The following TMTC2 variants were observed in gnomAD, a reference collection of about 807,000 sequenced individuals.
TMTC2 encodes the protein protein O-mannosyl-transferase TMTC2.
Under a neutral mutation model 82.4 loss-of-function variants are expected in TMTC2, and 43 were observed. The ratio of observed to expected loss-of-function variants is 0.52; its 90% confidence interval spans 0.41 to 0.67. The LOEUF is 0.67. TMTC2 is among the 30% of genes least tolerant of loss of function. The pLI, the probability that TMTC2 is intolerant of heterozygous loss-of-function variation, is 0.00. For synonymous variants in TMTC2, 408 were observed against 381.9 expected (o/e 1.07, Z -0.80); for missense variants, 919 against 1,012.4 (o/e 0.91, Z 1.25).
intron 1 of TMTC2, among the ~76,000 whole-genome samples, chr12:82,782,061 A>G (rs1877937877): frequency 6.6e-6 from 1 of 152,132 alleles, no homozygotes; most frequent in Admixed American, 6.5e-5. Flanking sequence ...TTATTTAGAA[A>G]TATGTAACAG....
At chr12:82,847,809 T>TG (rs1198713341) in intron 1 of TMTC2, among the ~76,000 whole-genome samples, 1 of 150,400 alleles carries the variant, frequency 6.6e-6, no homozygotes, top group East Asian at 2.0e-4. Context: ...GTGTGGGACT[T>TG]GGGGGAGGGA....
chr12:82,809,635 T>A (rs750671711), intron 1 of TMTC2, among the ~76,000 whole-genome samples: 2 of 152,134 alleles, frequency 1.3e-5, no homozygotes, highest in Non-Finnish European at 2.9e-5. Context: ...ATTCACAATT[T>A]TTTCGTACTA....
chr12:82,728,924 G>A (rs1053812399), intron 1 of TMTC2, among the ~76,000 whole-genome samples: 2 of 152,230 alleles, frequency 1.3e-5, no homozygotes, highest in African/African-American at 2.4e-5. Context: ...CAGCAGCTGC[G>A]CTGGACTTCT....
chr12:82,723,079 C>T (rs1175050887), intron 1 of TMTC2, among the ~76,000 whole-genome samples: 1 of 152,188 alleles, frequency 6.6e-6, no homozygotes, highest in Non-Finnish European at 1.5e-5. Flanking sequence ...AGTAGGCACT[C>T]ATTAGTTACA....
chr12:82,790,158 G>A (rs1394804261), intron 1 of TMTC2, among the ~76,000 whole-genome samples: 2 of 149,936 alleles, frequency 1.3e-5, no homozygotes, highest in Admixed American at 6.7e-5. Context: ...CTCTAGCTTG[G>A]GTGAGACCTT....
At chr12:82,926,022 G>A (rs1016046549) in intron 3 of TMTC2, among the ~76,000 whole-genome samples, 1 of 146,588 alleles carries the variant, frequency 6.8e-6, no homozygotes, top group South Asian at 2.2e-4. Context: ...TCACTCTGTC[G>A]CCAGGCTAGA....
At chr12:83,109,459 C>T (rs1884526563) in intron 11 of TMTC2, among the ~76,000 whole-genome samples, 1 of 151,900 alleles carries the variant, frequency 6.6e-6, no homozygotes, top group South Asian at 2.1e-4. Context: ...CAACCAGTCA[C>T]TCCCCAATTC....
rs369837409 is a variant in TMTC2 at position 82,717,603 on chromosome 12, C to T, written c.83+29934C>T. ...GGCACTTAACTTGAACAAATAAAAA[C>T]CAGCTCTTTAAAATATTCTAAACAT... On this transcript the variant is annotated intron_variant, in intron 1 of 11. Coordinates refer to ENST00000321196, the MANE Select transcript of TMTC2 (RefSeq NM_152588.3). Among the ~76,000 whole-genome samples, 123 of 152,208 alleles carry T rather than the reference C, an allele frequency of 8.1e-4. 2 individuals carry two copies. In the South Asian group the frequency reaches 0.017, roughly 21 times the overall value.
intron 1 of TMTC2, among the ~76,000 whole-genome samples, chr12:82,769,726 T>C (rs1220166453): frequency 6.6e-6 from 1 of 152,076 alleles, no homozygotes; most frequent in Non-Finnish European, 1.5e-5. Flanking sequence ...TTCTCCTACC[T>C]CAGCCTCCTG....
intron 1 of TMTC2, among the ~76,000 whole-genome samples, chr12:82,710,633 C>T (rs7962038): frequency 0.057 from 8,614 of 152,244 alleles, 336 homozygotes; most frequent in Admixed American, 0.094. Context: ...TATTTTAAGT[C>T]TCCAGGGAGT....
chr12:83,078,553 G>A (rs897055752), intron 11 of TMTC2, among the ~76,000 whole-genome samples: 1 of 152,086 alleles, frequency 6.6e-6, no homozygotes, highest in African/African-American at 2.4e-5. Context: ...TATTTTCTTA[G>A]ATACCAAATG....
intron 1 of TMTC2, among the ~76,000 whole-genome samples, chr12:82,770,524 C>T: frequency 6.6e-6 from 1 of 152,154 alleles, no homozygotes. Flanking sequence ...GACTCAACCA[C>T]TGACCTTACC....
chr12:82,764,557 G>A (rs1876838421), intron 1 of TMTC2, among the ~76,000 whole-genome samples: 1 of 152,146 alleles, frequency 6.6e-6, no homozygotes, highest in South Asian at 2.1e-4. Context: ...TTTTACAGGA[G>A]CATAAATGCT....
chr12:82,882,302 A>C (rs1011066529), intron 2 of TMTC2, among the ~76,000 whole-genome samples: 1 of 152,130 alleles, frequency 6.6e-6, no homozygotes, highest in African/African-American at 2.4e-5. Context: ...CCCGGCCAAG[A>C]TGTTTTTAAA....
chr12:82,722,599 G>A (rs1320915154), intron 1 of TMTC2, among the ~76,000 whole-genome samples: 4 of 144,690 alleles, frequency 2.8e-5, no homozygotes, highest in African/African-American at 5.1e-5. Flanking sequence ...AAAATTAGCC[G>A]GGCATGGTGG....
intron 8 of TMTC2, among the ~76,000 whole-genome samples, chr12:83,013,773 A>G (rs533729955): frequency 7.2e-4 from 109 of 152,346 alleles, no homozygotes; most frequent in African/African-American, 2.4e-3. Context: ...CAACTTCCTT[A>G]TAATTTTGAG....
At chr12:82,917,701 A>C (rs528429120) in intron 3 of TMTC2, among the ~76,000 whole-genome samples, 1 of 151,750 alleles carries the variant, frequency 6.6e-6, no homozygotes, top group African/African-American at 2.4e-5. Flanking sequence ...TCCAGGGTTC[A>C]TGCCATTCTC....
At chr12:82,964,978 T>C (rs892825271) in intron 4 of TMTC2, 46 bp from the exon 5 acceptor site, 1 of 1,400,624 alleles carries the variant, frequency 7.1e-7, no homozygotes, top group East Asian at 2.3e-5. Context: ...TGGTTTTATA[T>C]ATAATAATAC....
intron 1 of TMTC2, among the ~76,000 whole-genome samples, chr12:82,765,858 T>G (rs1318933745): frequency 2.6e-5 from 4 of 152,164 alleles, no homozygotes; most frequent in African/African-American, 9.7e-5. Flanking sequence ...AAGATAATAC[T>G]TTTTAAAAGG....
Sources: allele counts gnomAD v4.1 joint callset (sites outside exome capture counted in the v4.1 genomes callset), GRCh38; gene constraint gnomAD v4.1.1; transcripts MANE v1.5; gene names NCBI Gene and HGNC (gene_info 2026-07-23, HGNC 2026-07-21).